Variants in SSC5D observed in about 807,000 individuals in gnomAD.
SSC5D encodes soluble scavenger receptor cysteine-rich domain-containing protein SSC5D.
A neutral mutation model predicts 104.6 loss-of-function variants in SSC5D; 106 were observed. That is an observed-to-expected ratio of 1.01 (90% CI 0.87 to 1.19). The LOEUF (loss-of-function observed/expected upper bound fraction) is 1.19. SSC5D is among the 50% of genes most tolerant of loss of function. The probability of loss-of-function intolerance (pLI) is 0.00; values close to 1 mark genes in which losing one functional copy is unlikely to be tolerated. For synonymous variants in SSC5D, 860 were observed against 883.5 expected (o/e 0.97, Z 0.47); for missense variants, 1,993 against 2,153.8 (o/e 0.93, Z 1.48).
rs143989565 is a variant in SSC5D, at chr19:55,517,533, C to T, written c.3257C>T (p.Pro1086Leu). The T allele has an allele frequency of 4.4e-4, 687 of 1,551,542 alleles. 2 individuals are homozygous for T. The African/African-American group carries it at 8.3e-3, about 19-fold the overall frequency. ...GTGGTTCCCGCGTTGACCCCGGAGC[C>T]CTCACCCACGCCCTTACCCACCTTG... Reference protein sequence around the residue: ...SSVVPALTPEPSPTPLPTLPK... With the variant: ...SSVVPALTPELSPTPLPTLPK... Residue 1086 changes from proline (P) to leucine (L), a missense_variant, in exon 14 of 14, where the codon CCC becomes CTC. Coordinates refer to ENST00000389623, the MANE Select transcript of SSC5D (RefSeq NM_001144950.2).
chr19:55,512,221 A>T (rs1389977877), intron 12 of SSC5D, among the ~76,000 whole-genome samples: 4 of 151,424 alleles, frequency 2.6e-5, no homozygotes, highest in South Asian at 4.2e-4. Flanking sequence ...AAAAGAAAAG[A>T]AAAGAAAGCT....
rs1400204563 is a variant in SSC5D at position 55,489,593 on chromosome 19, C to T, written c.292C>T (p.Leu98Phe). ...ACRGNEGQLG[L>F]CHHRGWKAHI... is the part of the protein sequence containing the mutation. ...CCGGGGCAACGAGGGGCAGCTGGGC[C>T]TCTGCCACCACCGGGGCTGGAAGGC... is the stretch of plus-strand genomic sequence containing the variant. The change falls in exon 3 of 14, where the codon CTC (leucine) becomes TTC (phenylalanine). Residue 98 changes from leucine (L) to phenylalanine (F), a missense_variant. Coordinates refer to ENST00000389623, the MANE Select transcript of SSC5D (RefSeq NM_001144950.2). 1 of 1,527,152 alleles carries T rather than the reference C, an allele frequency of 6.5e-7. No homozygotes were observed. Among genetic ancestry groups the T allele is most frequent in the South Asian group, 1.2e-5 (1 of 83,162 alleles). The allele number at this position is 1,527,152 out of a possible 1,614,324, so 94.6% of individuals were successfully genotyped here.
intron 12 of SSC5D, among the ~76,000 whole-genome samples, chr19:55,512,181 C>G (rs1187327651): frequency 5.0e-5 from 6 of 120,626 alleles, no homozygotes; most frequent in Non-Finnish European, 1.0e-4. Context: ...TCCTGGGTGG[C>G]AGAGTGAGAC....
chr19:55,518,611 A>G lies in SSC5D; in HGVS notation c.4335A>G (p.Thr1445=). The G allele has an allele frequency of 1.4e-6, 2 of 1,456,940 alleles. No individual in the cohort carries two copies. Among genetic ancestry groups the G allele is most frequent in the African/African-American group, 1.8e-5 (1 of 56,276 alleles). The allele number at this position is 1,456,940 out of a possible 1,614,324, so 90.3% of individuals were successfully genotyped here. A position where few individuals can be genotyped will look rare whatever the true frequency, so the allele number is the denominator to read the frequency against. Residue 1445 remains threonine, a synonymous_variant, in exon 14 of 14, where the codon ACA becomes ACG. Transcript: ENST00000389623. ...CCCCTGACCCCCTCCTTTCCCCCAC[A>G]GCCCACCCCTTGGATCATCCTCCCC... ...TVSPDPLLSP[T]AHPLDHPPLD...
intron 6 of SSC5D, chr19:55,492,161 G>A (rs547274272): frequency 3.1e-3 from 473 of 152,506 alleles, no homozygotes; most frequent in Admixed American, 9.5e-3. Flanking sequence ...ATGTGGGGCC[G>A]AGGCTCAGAG....
Position 55,490,917 on chromosome 19 carries a change from G to A in SSC5D, c.732G>A (p.Ala244=), listed in dbSNP as rs570779445. 1.7e-5 allele frequency: 26 copies of A among 1,543,806 alleles called. No individual in the cohort carries two copies. The East Asian group carries it at 2.9e-4, about 17-fold the overall frequency. The change falls in exon 6 of 14, where the codon GCG becomes GCA. Residue 244 remains alanine (A), a synonymous_variant. Transcript: ENST00000389623. ...GCCGGGAACTGGGCTGTGGGGGGGC[G>A]CTGGCTGCCCCCGGCGGTGCCAGAT... The part of the protein sequence containing the change: ...VACRELGCGG[A]LAAPGGARFG...
At chr19:55,512,816 A>G (rs914788299) in intron 12 of SSC5D, among the ~76,000 whole-genome samples, 195 bp from the exon 13 acceptor site, 1 of 152,046 alleles carries the variant, frequency 6.6e-6, no homozygotes, top group Admixed American at 6.6e-5. Flanking sequence ...TAGTTTAGTG[A>G]CCGTTTCCGT....
chr19:55,511,787 G>A (rs1987761338), intron 12 of SSC5D, among the ~76,000 whole-genome samples: 1 of 152,200 alleles, frequency 6.6e-6, no homozygotes, highest in Non-Finnish European at 1.5e-5. Flanking sequence ...GGGACTCATG[G>A]AAGGGTTTAG....
At chr19:55,490,505 G>T in intron 5 of SSC5D, 97 bp downstream of exon 5, 1 of 611,310 alleles carries the variant, frequency 1.6e-6, no homozygotes, top group Non-Finnish European at 2.9e-6. Flanking sequence ...CTCCTTAGCC[G>T]GGGCCCTGGA....
intron 13 of SSC5D, among the ~76,000 whole-genome samples, chr19:55,514,457 T>TAGTC (rs112769783): frequency 0.015 from 1,926 of 132,532 alleles, 114 homozygotes; most frequent in East Asian, 0.024. Context: ...ATAATAATAA[T>TAGTC]AGGTGTGGTG....
chr19:55,494,706 G>A lies in SSC5D; in HGVS notation c.1310G>A (p.Ser437Asn). The A allele has an allele frequency of 6.4e-7, 1 of 1,550,604 alleles. No individual in the cohort carries two copies. ...AASRPPSTMT[S>N]QAPGTAGVSP... ...TCCAGGCCCCCGTCCACCATGACGA[G>A]CCAGGCTCCAGGGACGGCAGGCGTT... Residue 437 changes from serine to asparagine, a missense_variant, in exon 8 of 14, where the codon AGC becomes AAC. By Grantham distance (46) the Ser-to-Asn change is conservative. Transcript: ENST00000389623.
At chr19:55,513,459 G>C in intron 13 of SSC5D, among the ~76,000 whole-genome samples, 1 of 152,044 alleles carries the variant, frequency 6.6e-6, no homozygotes, top group South Asian at 2.1e-4. Context: ...ACGCACGTGT[G>C]GTCCCAGCTG....
Position 55,489,375 on chromosome 19 carries a change from G to GC in SSC5D, c.79dup (p.His27ProfsTer20), listed in dbSNP as rs1317658711. ...TCAGAGCGCCTGCGCCTGGCCGATG[G>GC]CCCCCATGGGTGCGCTGGCCGCCTG... On this transcript the variant is annotated frameshift_variant, in exon 3 of 14. Transcript: ENST00000389623. LOFTEE classifies it high-confidence loss of function. 9 of 1,467,478 alleles carry GC rather than the reference G, an allele frequency of 6.1e-6. No individual in the cohort carries two copies. Among genetic ancestry groups the GC allele is most frequent in the Non-Finnish European group, 7.2e-6 (8 of 1,117,858 alleles). The allele number at this position is 1,467,478 out of a possible 1,614,324, so 90.9% of individuals were successfully genotyped here. A position where few individuals can be genotyped will look rare whatever the true frequency, so the allele number is the denominator to read the frequency against.
chr19:55,509,962 G>T (rs1440038505), intron 12 of SSC5D, among the ~76,000 whole-genome samples: 1 of 151,412 alleles, frequency 6.6e-6, no homozygotes, highest in Non-Finnish European at 1.5e-5. Context: ...ACAGGAGGCT[G>T]CCATTTTAAA....
chr19:55,491,173 C>T (rs2048829558), intron 6 of SSC5D, 93 bp downstream of exon 6: 1 of 1,387,318 alleles, frequency 7.2e-7, no homozygotes, highest in Non-Finnish European at 9.6e-7. Flanking sequence ...CTGCTCCCAG[C>T]TCTGCCTCCT....
chr19:55,493,994 G>GGGGGGGGGC lies in SSC5D; in HGVS notation c.1213+82_1213+83insGGGGGGGGC. On this transcript the variant is annotated intron_variant, in intron 7 of 13. Coordinates refer to ENST00000389623, the MANE Select transcript of SSC5D (RefSeq NM_001144950.2). ...GGGCAAGTTCGGCGGGGGCGGGGGG[G>GGGGGGGGGC]TCCCTACGCGCCCTTCCTGCCCTCT... is the stretch of plus-strand genomic sequence containing the variant. The GGGGGGGGGC allele has an allele frequency of 4.9e-5, 7 of 143,312 alleles. 1 individual carries two copies. The highest frequency in any genetic ancestry group is 7.8e-5 in the South Asian group (1 of 12,758). 8.9% of individuals were successfully genotyped at this position (143,312 alleles called of 1,614,324 possible).
At chr19:55,507,390 G>A (rs1203028281) in intron 12 of SSC5D, among the ~76,000 whole-genome samples, 2 of 148,430 alleles carry the variant, frequency 1.3e-5, no homozygotes, top group South Asian at 4.2e-4. Flanking sequence ...TTTACGGGCC[G>A]GGCGCGGTGC....
At chr19:55,489,262 C>G in intron 2 of SSC5D, 92 bp from the exon 3 acceptor site, 1 of 1,339,762 alleles carries the variant, frequency 7.5e-7, no homozygotes, top group Non-Finnish European at 9.7e-7. Context: ...ACAGACAGTA[C>G]CTGCAGGACA....
chr19:55,489,325 C>T, intron 2 of SSC5D, 29 bp from the exon 3 acceptor site: 2 of 1,425,724 alleles, frequency 1.4e-6, no homozygotes, highest in South Asian at 1.5e-5. Flanking sequence ...ATGCCCCTCC[C>T]CAGTCACAGC....
Sources: gnomAD v4.1 joint callset for allele counts (sites outside exome capture counted in the v4.1 genomes callset) on GRCh38, gnomAD v4.1.1 for gene constraint, MANE v1.5 for transcripts, NCBI Gene and HGNC (gene_info 2026-07-23, HGNC 2026-07-21) for gene names.